Variants in OVCH1 observed in about 807,000 individuals in gnomAD.
OVCH1 encodes the protein ovochymase-1.
A neutral mutation model predicts 138.4 loss-of-function variants in OVCH1; 139 were observed. The ratio of observed to expected loss-of-function variants is 1.00; its 90% CI spans 0.87 to 1.16. OVCH1 has a LOEUF of 1.16. Among genes scored for constraint, OVCH1 ranks in the 50% most tolerant of loss-of-function variants. The probability of loss-of-function intolerance (pLI) is 0.00; values close to 1 mark genes in which losing one functional copy is unlikely to be tolerated. For missense variants in OVCH1, 1,367 were observed against 1,357.9 expected (o/e 1.01, Z -0.11); for synonymous variants, 453 against 467.8 (o/e 0.97, Z 0.41).
intron 25 of OVCH1, among the ~76,000 whole-genome samples, chr12:29,441,201 A>G (rs1015895692): frequency 6.6e-6 from 1 of 152,154 alleles, no homozygotes; most frequent in Non-Finnish European, 1.5e-5. Context: ...GAGGCATCAC[A>G]CTACCTGACT....
intron 12 of OVCH1, among the ~76,000 whole-genome samples, chr12:29,476,843 T>C (rs1344038248): frequency 6.6e-6 from 1 of 151,094 alleles, no homozygotes; most frequent in Non-Finnish European, 1.5e-5. Flanking sequence ...CCAAGGACAC[T>C]AGTAAGTTAT....
At chr12:29,419,525 A>C (rs2135883309) in intron 3 of OVCH1, among the ~76,000 whole-genome samples, 1 of 151,734 alleles carries the variant, frequency 6.6e-6, no homozygotes, top group East Asian at 1.9e-4. Context: ...CGATCTCCTG[A>C]CCTCATGATC....
intron 22 of OVCH1, among the ~76,000 whole-genome samples, chr12:29,449,276 TA>T (rs1941707867): frequency 7.3e-6 from 1 of 137,338 alleles, no homozygotes; most frequent in Non-Finnish European, 1.6e-5. Context: ...CCCCCCTCCC[TA>T]CACACACACA....
intron 25 of OVCH1, chr12:29,439,556 C>T (rs1310252828): frequency 1.5e-5 from 19 of 1,229,426 alleles, no homozygotes; most frequent in Non-Finnish European, 1.8e-5. Flanking sequence ...ACTACTGCTA[C>T]TCTCGGTACT....
chr12:29,409,236 T>G (rs1940921764), downstream of OVCH1, among the ~76,000 whole-genome samples: 1 of 152,222 alleles, frequency 6.6e-6, no homozygotes. Flanking sequence ...CTATCAAATT[T>G]GTTGATCCTT....
chr12:29,479,473 C>A (rs1942854504), intron 8 of OVCH1, among the ~76,000 whole-genome samples: 1 of 152,170 alleles, frequency 6.6e-6, no homozygotes, highest in South Asian at 2.1e-4. Flanking sequence ...AAAAGCATAT[C>A]TCAACTTGAG....
chr12:29,453,656 T>A (rs1346109321), intron 21 of OVCH1, among the ~76,000 whole-genome samples: 1 of 152,202 alleles, frequency 6.6e-6, no homozygotes, highest in African/African-American at 2.4e-5. Context: ...TCTCTCATCC[T>A]TATTTCACTC....
At chr12:29,433,169 T>TA (rs1465108616) in intron 27 of OVCH1, among the ~76,000 whole-genome samples, 23 of 152,316 alleles carry the variant, frequency 1.5e-4, no homozygotes, top group African/African-American at 5.1e-4. Flanking sequence ...TTATAACTGA[T>TA]ATGGTTTTGC....
intron 4 of OVCH1, among the ~76,000 whole-genome samples, chr12:29,492,905 GAAGAAA>G (rs1943310128): frequency 6.6e-6 from 1 of 152,130 alleles, no homozygotes. Flanking sequence ...GAATTCAAGT[GAAGAAA>G]ATATTTCCAA....
At chr12:29,477,711 C>T (rs1290958782) in intron 9 of OVCH1, 9 of 1,048,242 alleles carry the variant, frequency 8.6e-6, no homozygotes, top group Non-Finnish European at 1.2e-5. Flanking sequence ...CAGGGCCTAA[C>T]TCAAAATTCA....
At chr12:29,449,130 C>T (rs1239680584) in intron 22 of OVCH1, among the ~76,000 whole-genome samples, 3 of 152,038 alleles carry the variant, frequency 2.0e-5, no homozygotes. Flanking sequence ...ATGTATTTTG[C>T]TTTATTTTTT....
At chr12:29,496,837 A>G (rs908523489) in intron 1 of OVCH1, among the ~76,000 whole-genome samples, 163 bp from the exon 2 acceptor site, 1 of 152,182 alleles carries the variant, frequency 6.6e-6, no homozygotes, top group African/African-American at 2.4e-5. Context: ...AGAATATCCC[A>G]CAGTCACCTG....
At position 29,461,896 on chromosome 12, in the gene OVCH1, GATC is replaced by G. The variant is rs1565587199; in HGVS notation, c.2235_2237del (p.Met745del). The G allele has an allele frequency of 2.5e-6, 4 of 1,613,880 alleles. No homozygotes were observed. In the East Asian group the frequency reaches 8.9e-5, roughly 36 times the overall value. ...CTCCAGATGCTGCAAAGCCAGCACA[GATC>G]ATCTTCTCTGTGATCCCTCCTGGAT... On this transcript the variant is annotated inframe_deletion, in exon 19 of 28. Coordinates refer to ENST00000318184, the Ensembl canonical transcript of OVCH1.
intron 22 of OVCH1, among the ~76,000 whole-genome samples, chr12:29,446,219 A>G (rs1168860705): frequency 6.6e-6 from 1 of 152,100 alleles, no homozygotes; most frequent in South Asian, 2.1e-4. Flanking sequence ...AAGATGACTC[A>G]GTCCGTGGTC....
chr12:29,429,538 A>C (rs1361546016), intron 27 of OVCH1, among the ~76,000 whole-genome samples: 1 of 152,232 alleles, frequency 6.6e-6, no homozygotes, highest in African/African-American at 2.4e-5. Context: ...AAGAAAGATA[A>C]ATTTACAAAG....
intron 9 of OVCH1, among the ~76,000 whole-genome samples, chr12:29,478,305 C>T (rs1389543057): frequency 6.6e-6 from 1 of 152,126 alleles, no homozygotes; most frequent in East Asian, 1.9e-4. Context: ...CCTGTAAGTG[C>T]TGGTAGAGAT....
chr12:29,432,785 A>G (rs911770947), intron 27 of OVCH1, among the ~76,000 whole-genome samples: 2 of 152,164 alleles, frequency 1.3e-5, no homozygotes, highest in East Asian at 3.9e-4. Flanking sequence ...GAAAATGAGG[A>G]AAAACCAGCC....
chr12:29,443,618 G>T, intron 24 of OVCH1, 118 bp from the exon 25 acceptor site: 1 of 1,014,760 alleles, frequency 9.9e-7, no homozygotes, highest in Non-Finnish European at 1.4e-6. Flanking sequence ...TATTTTTTGT[G>T]TCTGTTTCCT....
intron 8 of OVCH1, among the ~76,000 whole-genome samples, chr12:29,481,741 A>G (rs554899501): frequency 6.6e-6 from 1 of 152,196 alleles, no homozygotes; most frequent in East Asian, 1.9e-4. Context: ...TTATCAAAAC[A>G]AAGTGCCTCT....
Sources: allele counts gnomAD v4.1 joint callset (sites outside exome capture counted in the v4.1 genomes callset), GRCh38; gene constraint gnomAD v4.1.1; transcripts MANE v1.5; gene names NCBI Gene and HGNC (gene_info 2026-07-23, HGNC 2026-07-21).